The following ANXA2 variants were observed in gnomAD, a reference collection of about 807,000 sequenced individuals.
ANXA2 encodes annexin A2.
Under a neutral mutation model 47.3 loss-of-function variants are expected in ANXA2, and 28 were observed. The observed-to-expected ratio is 0.59, with a 90% CI of 0.44 to 0.81. The LOEUF is 0.81. ANXA2 is among the 40% of genes least tolerant of loss of function. The pLI is 0.00. For synonymous variants in ANXA2, 172 were observed against 155.5 expected (o/e 1.11, Z -0.79); for missense variants, 384 against 414.3 (o/e 0.93, Z 0.64).
intron 1 of ANXA2, 176 bp from the exon 2 acceptor site, chr15:60,386,262 T>C (rs2062932189): frequency 1.7e-6 from 1 of 590,302 alleles, no homozygotes; most frequent in African/African-American, 1.9e-5. Flanking sequence ...ACCTCAGAGA[T>C]GGTCTGCCTT....
At chr15:60,391,514 T>C (rs2063010260) in intron 1 of ANXA2, among the ~76,000 whole-genome samples, 2 of 152,026 alleles carry the variant, frequency 1.3e-5, no homozygotes, top group Admixed American at 6.5e-5. Flanking sequence ...AATATAAGTC[T>C]CTGAATGGTG....
At chr15:60,356,817 G>A (rs899745935) in intron 6 of ANXA2, among the ~76,000 whole-genome samples, 1 of 152,086 alleles carries the variant, frequency 6.6e-6, no homozygotes, top group African/African-American at 2.4e-5. Flanking sequence ...ACTGAACAGC[G>A]CCCAATAAGT....
At chr15:60,385,301 C>T (rs962758520) in intron 2 of ANXA2, among the ~76,000 whole-genome samples, 1 of 152,182 alleles carries the variant, frequency 6.6e-6, no homozygotes, top group Non-Finnish European at 1.5e-5. Context: ...GGCATGGTGG[C>T]TCCCACCTGT....
chr15:60,397,262 C>A (rs2063092989), intron 1 of ANXA2: 11 of 985,270 alleles, frequency 1.1e-5, no homozygotes, highest in Non-Finnish European at 1.3e-5. Flanking sequence ...CACTACCTTC[C>A]TGAGGCCAAT....
chr15:60,385,843 G>A lies in ANXA2; in HGVS notation c.48+185C>T, dbSNP rs938470989. 19 of 526,148 alleles carry A rather than the reference G, an allele frequency of 3.6e-5. No individual in the cohort carries two copies. In the Admixed American group the frequency reaches 6.7e-4, roughly 19 times the overall value. 32.6% of individuals were successfully genotyped at this position (526,148 alleles called of 1,614,324 possible). On this transcript the variant is annotated intron_variant, in intron 2 of 12. Coordinates refer to ENST00000451270, the MANE Select transcript of ANXA2 (RefSeq NM_004039.3). ...TGTGAGGCCAAGAAAAGTTTCCAGT[G>A]CCATGATATTTCCTTCAAATTGAAC...
intron 1 of ANXA2, among the ~76,000 whole-genome samples, chr15:60,388,065 G>A (rs574816522): frequency 6.6e-6 from 1 of 152,038 alleles, no homozygotes; most frequent in Non-Finnish European, 1.5e-5. Context: ...GCGGGCGCCT[G>A]TAATCCCAAC....
chr15:60,397,619 G>T (rs2063099050), intron 1 of ANXA2, among the ~76,000 whole-genome samples: 2 of 152,136 alleles, frequency 1.3e-5, no homozygotes, highest in African/African-American at 4.8e-5. Context: ...TCTGGAATGC[G>T]GGGCCTCCCT....
At chr15:60,350,217 A>T (rs1427832982) in intron 11 of ANXA2, among the ~76,000 whole-genome samples, 1 of 152,036 alleles carries the variant, frequency 6.6e-6, no homozygotes, top group African/African-American at 2.4e-5. Context: ...ACAAGAAAAG[A>T]AAAGAAAGAA....
chr15:60,367,393 C>T (rs1166053754), intron 3 of ANXA2, among the ~76,000 whole-genome samples: 1 of 7,390 alleles, frequency 1.4e-4, no homozygotes, highest in African/African-American at 6.5e-4. Flanking sequence ...GGGAGGGAGG[C>T]GGGGGGGGGT....
At chr15:60,356,169 C>T (rs1019534237) in intron 6 of ANXA2, among the ~76,000 whole-genome samples, 171 bp from the exon 7 acceptor site, 8 of 152,162 alleles carry the variant, frequency 5.3e-5, no homozygotes, top group African/African-American at 1.4e-4. Context: ...TGATTTTCGC[C>T]CTCATGAAAT....
chr15:60,392,457 A>G (rs369793477), intron 1 of ANXA2, among the ~76,000 whole-genome samples: 65 of 152,180 alleles, frequency 4.3e-4, no homozygotes, highest in Non-Finnish European at 6.9e-4. Context: ...CTTCACTACG[A>G]AAGTGCAGTT....
At chr15:60,374,739 C>T (rs2062755099) in intron 3 of ANXA2, 1 of 455,858 alleles carries the variant, frequency 2.2e-6, no homozygotes, top group Admixed American at 2.4e-5. Context: ...GGCAGAGTCA[C>T]AGGGTGGCTG....
chr15:60,371,893 T>A (rs1465780270), intron 3 of ANXA2, among the ~76,000 whole-genome samples: 1 of 152,206 alleles, frequency 6.6e-6, no homozygotes, highest in Non-Finnish European at 1.5e-5. Flanking sequence ...GGCTCACGCC[T>A]ATAATCCCAG....
Position 60,347,449 on chromosome 15 carries a change from C to T in ANXA2, c.*181G>A. Reference sequence around the variant, plus strand: ...TTGGAATGTTCATTTCTTTGGCTTACAGGAGAGACTAGACAGGAAGGCCAG... The same window carrying T: ...TTGGAATGTTCATTTCTTTGGCTTATAGGAGAGACTAGACAGGAAGGCCAG... On this transcript the variant is annotated 3_prime_UTR_variant, in exon 13 of 13. Coordinates refer to ENST00000451270, the MANE Select transcript of ANXA2 (RefSeq NM_004039.3). 1 of 617,442 alleles carries T rather than the reference C, an allele frequency of 1.6e-6. No homozygotes were observed. The highest frequency in any genetic ancestry group is 2.8e-5 in the Admixed American group (1 of 35,152). 38.2% of individuals were successfully genotyped at this position (617,442 alleles called of 1,614,324 possible).
At chr15:60,396,006 C>T (rs1166581064) in intron 1 of ANXA2, 1 of 152,218 alleles carries the variant, frequency 6.6e-6, no homozygotes, top group African/African-American at 2.4e-5. Flanking sequence ...CTCTGCTGCC[C>T]CAGTCTTACC....
At chr15:60,348,620 C>T (rs546724543) in intron 12 of ANXA2, among the ~76,000 whole-genome samples, 1 of 151,964 alleles carries the variant, frequency 6.6e-6, no homozygotes, top group Admixed American at 6.6e-5. Flanking sequence ...TGGCGGGCGC[C>T]TGTAGTCCTA....
chr15:60,379,962 A>G (rs2062833106), intron 3 of ANXA2, among the ~76,000 whole-genome samples: 1 of 152,220 alleles, frequency 6.6e-6, no homozygotes, highest in African/African-American at 2.4e-5. Context: ...TCACGCAGGG[A>G]CAAAAGAAGT....
At chr15:60,372,717 A>T (rs550097349) in intron 3 of ANXA2, among the ~76,000 whole-genome samples, 3 of 144,682 alleles carry the variant, frequency 2.1e-5, no homozygotes, top group Non-Finnish European at 1.5e-5. Flanking sequence ...TTTTTTAAAC[A>T]GGGTCTCACT....
chr15:60,348,450 A>G (rs1158589413), intron 12 of ANXA2, among the ~76,000 whole-genome samples: 1 of 152,218 alleles, frequency 6.6e-6, no homozygotes, highest in Admixed American at 6.5e-5. Flanking sequence ...AATGCATAAT[A>G]AAAGTAAAAT....
Sources: gnomAD v4.1 joint callset for allele counts (sites outside exome capture counted in the v4.1 genomes callset) on GRCh38, gnomAD v4.1.1 for gene constraint, MANE v1.5 for transcripts, NCBI Gene and HGNC (gene_info 2026-07-23, HGNC 2026-07-21) for gene names.